The following AGBL4 variants were observed in gnomAD, a reference collection of about 807,000 sequenced individuals.
The protein encoded by AGBL4 is cytosolic carboxypeptidase 6.
AGBL4 carries 58 observed loss-of-function variants against 66.4 expected under a neutral mutation model. The observed-to-expected ratio is 0.87, with a 90% CI of 0.71 to 1.09. The LOEUF (loss-of-function observed/expected upper bound fraction) is 1.09, where lower values mean the gene tolerates loss of function less well. Among genes scored for constraint, AGBL4 ranks in the 50% least tolerant of loss-of-function variants. AGBL4 has a pLI of 0.00. For synonymous variants in AGBL4, 234 were observed against 222.9 expected, an observed-to-expected ratio of 1.05 and a Z score of -0.44; for missense variants, 579 against 631.0, an observed-to-expected ratio of 0.92 and a Z score of 0.88.
intron 2 of AGBL4, among the ~76,000 whole-genome samples, chr1:49,722,488 A>C (rs995576446): frequency 6.6e-6 from 1 of 152,188 alleles, no homozygotes; most frequent in South Asian, 2.1e-4. Flanking sequence ...ACATATTAAG[A>C]GCTATTAACC....
chr1:48,866,970 G>A (rs536024638), intron 6 of AGBL4, among the ~76,000 whole-genome samples: 1 of 152,272 alleles, frequency 6.6e-6, no homozygotes, highest in East Asian at 1.9e-4. Flanking sequence ...TATCAGCCCT[G>A]CCACCCATAG....
intron 2 of AGBL4, chr1:49,841,837 G>A: frequency 2.3e-6 from 1 of 442,446 alleles, no homozygotes; most frequent in Non-Finnish European, 4.1e-6. Flanking sequence ...CACGGCCTTT[G>A]TCTCACAGTC....
chr1:48,592,763 C>G (rs566540867), intron 9 of AGBL4, among the ~76,000 whole-genome samples: 3 of 152,206 alleles, frequency 2.0e-5, no homozygotes, highest in Admixed American at 1.3e-4. Context: ...CTTTCTCAGA[C>G]CTGCTCTGAG....
intron 4 of AGBL4, among the ~76,000 whole-genome samples, chr1:49,163,129 G>C (rs1646569442): frequency 6.6e-6 from 1 of 152,150 alleles, no homozygotes; most frequent in African/African-American, 2.4e-5. Flanking sequence ...ATAACGCTTG[G>C]AACTATTTTA....
In AGBL4 at chr1:49,846,325, T is replaced by C. The variant is rs536260157; in HGVS notation, c.157+5071A>G. The C allele has an allele frequency of 1.3e-5, 20 of 1,530,924 alleles. No individual in the cohort carries two copies. The African/African-American group carries it at 2.7e-4, about 21-fold the overall frequency. 94.8% of individuals were successfully genotyped at this position (1,530,924 alleles called of 1,614,324 possible). A position where few individuals can be genotyped will look rare whatever the true frequency, so the allele number is the denominator to read the frequency against. ...GGATCCACACAGGAGAGAAGCCATA[T>C]GCATGCAGGGACTATGGAAAGACCT... On this transcript the variant is annotated intron_variant, in intron 2 of 13. Coordinates refer to ENST00000371839, the MANE Select transcript of AGBL4 (RefSeq NM_032785.4).
At chr1:49,144,189 GA>G (rs1646171308) in intron 4 of AGBL4, among the ~76,000 whole-genome samples, 1 of 152,056 alleles carries the variant, frequency 6.6e-6, no homozygotes, top group African/African-American at 2.4e-5. Context: ...AAGAATATCA[GA>G]AAAAAAGTTT....
chr1:49,948,821 C>G (rs551541357), intron 1 of AGBL4, among the ~76,000 whole-genome samples: 1 of 151,220 alleles, frequency 6.6e-6, no homozygotes, highest in East Asian at 1.9e-4. Context: ...TCATTTTTCA[C>G]GGAACTAGAA....
At chr1:49,317,090 G>A (rs1381718750) in intron 3 of AGBL4, among the ~76,000 whole-genome samples, 1 of 151,708 alleles carries the variant, frequency 6.6e-6, no homozygotes, top group East Asian at 1.9e-4. Flanking sequence ...ATCTATGTAT[G>A]GAGAGAAACA....
chr1:48,770,099 T>C (rs1310812291), intron 6 of AGBL4, among the ~76,000 whole-genome samples: 2 of 152,192 alleles, frequency 1.3e-5, no homozygotes, highest in African/African-American at 2.4e-5. Flanking sequence ...CTCTCTGCTG[T>C]TATATTGCTC....
intron 1 of AGBL4, among the ~76,000 whole-genome samples, chr1:49,851,798 A>G (rs1425169401): frequency 1.3e-5 from 2 of 152,116 alleles, no homozygotes; most frequent in Non-Finnish European, 2.9e-5. Flanking sequence ...TGAACAGTAA[A>G]CTCATCTTCC....
rs542134769 is a variant in AGBL4, at chr1:49,602,287, G to A, written c.282+95026C>T. Among the ~76,000 whole-genome samples the A allele has an allele frequency of 9.9e-5, 15 of 152,184 alleles. No individual in the cohort carries two copies. In the South Asian group the frequency reaches 3.1e-3, roughly 32 times the overall value. On this transcript the variant is annotated intron_variant, in intron 3 of 13. Transcript: ENST00000371839. ...CAACCATTGTGGAGGACAGTGTGGC[G>A]ATTCCTCAAGGATCTAGAACCAGAA...
intron 3 of AGBL4, among the ~76,000 whole-genome samples, chr1:49,530,678 T>C (rs759435768): frequency 3.4e-4 from 52 of 152,048 alleles, no homozygotes; most frequent in Non-Finnish European, 1.8e-4. Flanking sequence ...CTGGGTTGCA[T>C]TGGACTGAGA....
intron 3 of AGBL4, among the ~76,000 whole-genome samples, chr1:49,283,142 C>T (rs988957396): frequency 6.6e-6 from 1 of 152,194 alleles, no homozygotes; most frequent in Non-Finnish European, 1.5e-5. Context: ...TTGAAGAGAG[C>T]AGTGGTTCTC....
At chr1:48,535,746 T>C (rs1215186664) in intron 12 of AGBL4, among the ~76,000 whole-genome samples, 1 of 152,124 alleles carries the variant, frequency 6.6e-6, no homozygotes, top group African/African-American at 2.4e-5. Flanking sequence ...CCACTTCTTC[T>C]CTGAAGTTTT....
chr1:50,008,894 A>C (rs1330499999), intron 1 of AGBL4, among the ~76,000 whole-genome samples: 3 of 152,136 alleles, frequency 2.0e-5, no homozygotes, highest in African/African-American at 7.2e-5. Context: ...TCAAATGAAA[A>C]ACCTAGCAGA....
At chr1:49,826,458 G>C (rs1292753848) in intron 2 of AGBL4, among the ~76,000 whole-genome samples, 1 of 151,996 alleles carries the variant, frequency 6.6e-6, no homozygotes, top group African/African-American at 2.4e-5. Flanking sequence ...TGAAGGCATT[G>C]AGTCAAGTTA....
At chr1:49,533,085 TTAAC>T (rs1376867485) in intron 3 of AGBL4, among the ~76,000 whole-genome samples, 2 of 152,208 alleles carry the variant, frequency 1.3e-5, no homozygotes, top group African/African-American at 4.8e-5. Flanking sequence ...TATGAACTCA[TTAAC>T]TGATTTTCTT....
chr1:49,503,428 GC>G (rs1348882308), intron 3 of AGBL4, among the ~76,000 whole-genome samples: 1 of 152,178 alleles, frequency 6.6e-6, no homozygotes, highest in Non-Finnish European at 1.5e-5. Flanking sequence ...CCTCAATGGG[GC>G]ACTGCCTAGT....
intron 6 of AGBL4, among the ~76,000 whole-genome samples, chr1:48,847,940 A>G (rs944509675): frequency 1.3e-5 from 2 of 152,234 alleles, no homozygotes; most frequent in African/African-American, 4.8e-5. Context: ...AAGGAACATT[A>G]GCAGAAGGGC....
Sources: gnomAD v4.1 joint callset for allele counts (sites outside exome capture counted in the v4.1 genomes callset) on GRCh38, gnomAD v4.1.1 for gene constraint, MANE v1.5 for transcripts, NCBI Gene and HGNC (gene_info 2026-07-23, HGNC 2026-07-21) for gene names.